Variants in EDIL3 observed in about 807,000 individuals in gnomAD.
EDIL3 encodes the protein EGF-like repeat and discoidin I-like domain-containing protein 3.
In EDIL3, 37 loss-of-function variants were observed where a neutral mutation model predicts 67.4. The ratio of observed to expected loss-of-function variants is 0.55; its 90% CI spans 0.42 to 0.72. The LOEUF (loss-of-function observed/expected upper bound fraction) is 0.72. Among genes scored for constraint, EDIL3 ranks in the 30% least tolerant of loss-of-function variants. The pLI is 0.00. For synonymous variants in EDIL3, 195 were observed against 196.3 expected (o/e 0.99, Z 0.05); for missense variants, 527 against 586.3 (o/e 0.90, Z 1.04).
chr5:84,345,932 A>G (rs1051385472), intron 1 of EDIL3, among the ~76,000 whole-genome samples: 3 of 152,204 alleles, frequency 2.0e-5, no homozygotes, highest in East Asian at 1.9e-4. Flanking sequence ...AAACACAACA[A>G]TGTTTTCCAA....
At chr5:84,374,776 T>G (rs933247594) in intron 1 of EDIL3, among the ~76,000 whole-genome samples, 2 of 152,036 alleles carry the variant, frequency 1.3e-5, no homozygotes, top group African/African-American at 2.4e-5. Flanking sequence ...CTCAGGAGAT[T>G]AGATGGTTTT....
chr5:83,983,192 T>G (rs1745000582), intron 9 of EDIL3, among the ~76,000 whole-genome samples: 1 of 152,116 alleles, frequency 6.6e-6, no homozygotes, highest in Non-Finnish European at 1.5e-5. Flanking sequence ...TCCACTATAG[T>G]ACGTATCGCA....
chr5:84,155,575 C>T (rs1030510228), intron 4 of EDIL3, among the ~76,000 whole-genome samples: 7 of 152,142 alleles, frequency 4.6e-5, no homozygotes, highest in African/African-American at 1.7e-4. Context: ...TGCTGAATAT[C>T]TTAAATCCAT....
At chr5:84,022,888 T>C (rs533134969) in intron 9 of EDIL3, among the ~76,000 whole-genome samples, 12 of 152,050 alleles carry the variant, frequency 7.9e-5, no homozygotes, top group African/African-American at 2.9e-4. Flanking sequence ...TCAAAATAGC[T>C]AGAAGAGAGA....
At chr5:84,101,392 A>T (rs986468263) in intron 6 of EDIL3, among the ~76,000 whole-genome samples, 21 of 152,212 alleles carry the variant, frequency 1.4e-4, no homozygotes, top group African/African-American at 4.8e-4. Context: ...AAAGAAGATT[A>T]AAAAATTCAA....
intron 3 of EDIL3, chr5:84,181,279 C>T (rs541629244): frequency 9.9e-5 from 15 of 152,266 alleles, no homozygotes; most frequent in African/African-American, 3.1e-4. Context: ...AAACCAGCTG[C>T]CAGGAGTGTG....
intron 1 of EDIL3, among the ~76,000 whole-genome samples, chr5:84,297,160 C>T (rs1371174536): frequency 5.6e-5 from 7 of 124,986 alleles, no homozygotes; most frequent in South Asian, 2.7e-4. Flanking sequence ...CCAGCCTGGG[C>T]GACAGAGCAA....
intron 9 of EDIL3, among the ~76,000 whole-genome samples, chr5:84,002,057 A>G (rs1206147265): frequency 6.6e-6 from 1 of 152,156 alleles, no homozygotes; most frequent in South Asian, 2.1e-4. Flanking sequence ...AAATGAATTA[A>G]AACACCTTAA....
chr5:84,035,321 T>G (rs1483137079), intron 9 of EDIL3, among the ~76,000 whole-genome samples: 1 of 152,160 alleles, frequency 6.6e-6, no homozygotes, highest in Non-Finnish European at 1.5e-5. Context: ...TAATTTCATT[T>G]CCCTTCTTTC....
chr5:84,026,245 T>C (rs1211224129), intron 9 of EDIL3, among the ~76,000 whole-genome samples: 1 of 152,212 alleles, frequency 6.6e-6, no homozygotes, highest in African/African-American at 2.4e-5. Flanking sequence ...AATATAAGAT[T>C]TCTGTTTTGA....
At chr5:84,060,535 AC>A (rs1347907108) in intron 8 of EDIL3, 51 bp from the exon 9 acceptor site, 1 of 1,594,372 alleles carries the variant, frequency 6.3e-7, no homozygotes, top group South Asian at 1.1e-5. Context: ...ATCACCTGGA[AC>A]TTTTCTGCAT....
At chr5:84,160,748 TCC>T (rs1300393513) in intron 4 of EDIL3, among the ~76,000 whole-genome samples, 153 of 10,840 alleles carry the variant, frequency 0.014, 2 homozygotes, top group Middle Eastern at 0.12. Flanking sequence ...TTCTTTTCTT[TCC>T]TTTCCTTTCC....
intron 3 of EDIL3, among the ~76,000 whole-genome samples, chr5:84,186,580 T>A (rs1043766554): frequency 1.3e-5 from 2 of 152,098 alleles, no homozygotes; most frequent in East Asian, 3.8e-4. Flanking sequence ...GTTCATATAA[T>A]GGTTCCTGGA....
intron 9 of EDIL3, among the ~76,000 whole-genome samples, chr5:83,982,938 CTCAG>C (rs1265935590): frequency 1.3e-5 from 2 of 152,288 alleles, no homozygotes; most frequent in East Asian, 3.9e-4. Flanking sequence ...GAAGCCAAGC[CTCAG>C]TCTGTATTCT....
chr5:84,139,360 AGG>A (rs1322163462), intron 4 of EDIL3, among the ~76,000 whole-genome samples: 1 of 152,004 alleles, frequency 6.6e-6, no homozygotes, highest in African/African-American at 2.4e-5. Flanking sequence ...GGGAAAGAAA[AGG>A]TGAGTATAAG....
intron 2 of EDIL3, among the ~76,000 whole-genome samples, chr5:84,246,200 G>A (rs983955973): frequency 5.3e-5 from 8 of 152,264 alleles, no homozygotes; most frequent in East Asian, 1.9e-4. Flanking sequence ...TCTTGCATCC[G>A]CACATTTGTA....
At chr5:84,186,604 G>A (rs905609542) in intron 3 of EDIL3, among the ~76,000 whole-genome samples, 1 of 151,804 alleles carries the variant, frequency 6.6e-6, no homozygotes, top group Admixed American at 6.6e-5. Flanking sequence ...TTAATTCTAG[G>A]ATTTCCTAGT....
Position 84,179,309 on chromosome 5 carries a change from G to A in EDIL3, c.355+1084C>T, listed in dbSNP as rs544612253. On this transcript the variant is annotated intron_variant, in intron 4 of 10. Coordinates refer to ENST00000296591, the MANE Select transcript of EDIL3 (RefSeq NM_005711.5). The stretch of plus-strand genomic sequence containing the variant: ...GCCTTGGCACCTCTGGGCCCAACCT[G>A]AGAAAAATCAATAGCTTTTCATTGC... Among the ~76,000 whole-genome samples, 7 of 152,290 alleles carry A rather than the reference G, an allele frequency of 4.6e-5. No individual in the cohort carries two copies. In the South Asian group the frequency reaches 1.5e-3, roughly 32 times the overall value.
intron 9 of EDIL3, among the ~76,000 whole-genome samples, chr5:84,053,399 C>A (rs973689481): frequency 1.3e-5 from 2 of 152,090 alleles, no homozygotes; most frequent in Admixed American, 1.3e-4. Flanking sequence ...AATAAAAGAA[C>A]TAGAAAAGCA....
Sources: allele counts gnomAD v4.1 joint callset (sites outside exome capture counted in the v4.1 genomes callset), GRCh38; gene constraint gnomAD v4.1.1; transcripts MANE v1.5; gene names NCBI Gene and HGNC (gene_info 2026-07-23, HGNC 2026-07-21).